PCDH11X: variants seen among roughly 807,000 people sequenced by gnomAD.
PCDH11X encodes protocadherin 11 X-linked, also known as protocadherin-11 X-linked.
PCDH11X carries 18 observed loss-of-function variants against 53.3 expected under a neutral mutation model. The observed-to-expected ratio is 0.34, with a 90% CI of 0.23 to 0.50. The LOEUF (loss-of-function observed/expected upper bound fraction) is 0.50. Ranked by LOEUF, PCDH11X falls within the 20% of genes least tolerant of loss-of-function variation. PCDH11X has a pLI of 0.98. For synonymous variants in PCDH11X, 279 were observed against 393.3 expected, an observed-to-expected ratio of 0.71 and a Z score of 3.44; for missense variants, 570 against 1,032.4, an observed-to-expected ratio of 0.55 and a Z score of 6.14.
At chrX:92,285,246 A>ATTTTT (rs36047305) in intron 8 of PCDH11X, among the ~76,000 whole-genome samples, 2 of 40,772 alleles carry the variant, frequency 4.9e-5, no homozygotes, top group East Asian at 7.1e-4. Flanking sequence ...AGACTGTAGA[A>ATTTTT]TTTTTTTTTT....
intron 6 of PCDH11X, among the ~76,000 whole-genome samples, chrX:92,060,633 T>C (rs1335840475): frequency 9.2e-5 from 10 of 109,114 alleles, no homozygotes; most frequent in Non-Finnish European, 1.5e-4. Flanking sequence ...TCCAGCTCCA[T>C]TTATGTTGCT....
rs986746849 is a variant in PCDH11X, at chrX:92,175,979, A to G, written c.3034-25396A>G. 2.7e-5 allele frequency among the ~76,000 whole-genome samples: 3 copies of G among 110,684 alleles called. No homozygotes were observed. The South Asian group carries it at 1.2e-3, about 43-fold the overall frequency. The stretch of plus-strand genomic sequence containing the variant: ...AATTTTTCCATTTAATGGTCAGAGT[A>G]ACTGTCTTAAAACCACAGAAGAAGT... On this transcript the variant is annotated intron_variant, in intron 6 of 10. Transcript: ENST00000682573.
chrX:92,012,053 G>T (rs978303669), intron 6 of PCDH11X, among the ~76,000 whole-genome samples: 1 of 110,769 alleles, frequency 9.0e-6, no homozygotes, highest in Non-Finnish European at 1.9e-5. Flanking sequence ...GACATATGGG[G>T]CCATTACAGC....
chrX:91,802,192 A>C (rs1238527621), intron 1 of PCDH11X, among the ~76,000 whole-genome samples: 2 of 113,128 alleles, frequency 1.8e-5, no homozygotes, highest in Non-Finnish European at 3.7e-5. Context: ...AAATCTTTCA[A>C]ATTAAATTTG....
intron 10 of PCDH11X, among the ~76,000 whole-genome samples, chrX:92,604,052 A>G (rs964234109): frequency 7.4e-5 from 8 of 108,057 alleles, no homozygotes; most frequent in African/African-American, 2.7e-4. Flanking sequence ...ATTCATATAC[A>G]ATAATAATAC....
At chrX:92,318,903 C>T (rs998649251) in intron 8 of PCDH11X, among the ~76,000 whole-genome samples, 1 of 111,710 alleles carries the variant, frequency 9.0e-6, no homozygotes, top group African/African-American at 3.3e-5. Context: ...TTAGCGATTT[C>T]ACCAGCATTA....
chrX:92,093,741 A>T (rs992659517), intron 6 of PCDH11X, among the ~76,000 whole-genome samples: 3 of 111,277 alleles, frequency 2.7e-5, no homozygotes, highest in African/African-American at 9.8e-5. Flanking sequence ...TTTGCCACCA[A>T]GAATGATAAA....
intron 10 of PCDH11X, among the ~76,000 whole-genome samples, chrX:92,584,494 G>T (rs1178972199): frequency 1.8e-5 from 2 of 111,223 alleles, no homozygotes; most frequent in Non-Finnish European, 3.8e-5. Context: ...TTTTCCCAAA[G>T]AAATTAAACA....
At chrX:91,791,144 G>A (rs1224055319) in intron 1 of PCDH11X, among the ~76,000 whole-genome samples, 1 of 109,182 alleles carries the variant, frequency 9.2e-6, no homozygotes, top group African/African-American at 3.3e-5. Context: ...AATTGCCTTG[G>A]ATTTCATTAC....
chrX:92,471,654 A>G (rs2073265190), intron 10 of PCDH11X, among the ~76,000 whole-genome samples: 1 of 109,178 alleles, frequency 9.2e-6, no homozygotes, highest in Non-Finnish European at 1.9e-5. Context: ...GTCAAATGTT[A>G]TTTCTGTCTT....
At chrX:92,059,673 A>C (rs1569332962) in intron 6 of PCDH11X, among the ~76,000 whole-genome samples, 1 of 111,114 alleles carries the variant, frequency 9.0e-6, no homozygotes, top group Non-Finnish European at 1.9e-5. Context: ...CACATTTGGA[A>C]AATAATGTAG....
intron 8 of PCDH11X, among the ~76,000 whole-genome samples, chrX:92,278,429 C>T (rs185000717): frequency 9.9e-5 from 11 of 111,505 alleles, no homozygotes; most frequent in Non-Finnish European, 1.7e-4. Flanking sequence ...GTTTATTTCA[C>T]GTGGGTGCAG....
chrX:91,818,925 A>G (rs1007225489), intron 4 of PCDH11X, among the ~76,000 whole-genome samples: 4 of 111,843 alleles, frequency 3.6e-5, no homozygotes, highest in African/African-American at 1.3e-4. Context: ...TATTTTAAAC[A>G]TACAAATAAA....
chrX:92,275,216 A>G lies in PCDH11X; in HGVS notation c.3144+12073A>G, dbSNP rs192277072. Among the ~76,000 whole-genome samples, 1,013 of 101,756 alleles carry G rather than the reference A, an allele frequency of 1.0e-2. 14 individuals are homozygous for G. The highest frequency in any genetic ancestry group is 0.034 in the African/African-American group (965 of 28,525). 88.4% of individuals were successfully genotyped at this position (101,756 alleles called of 115,157 possible). ...CAAGTTATTTGGACAGAAAGGCTAC[A>G]GGGTGTGGTCCTGGCTCTTGTGTAA... On this transcript the variant is annotated intron_variant, in intron 8 of 10. Transcript: ENST00000682573.
At chrX:92,270,242 T>C (rs759243285) in intron 8 of PCDH11X, among the ~76,000 whole-genome samples, 1 of 109,539 alleles carries the variant, frequency 9.1e-6, no homozygotes, top group Non-Finnish European at 1.9e-5. Flanking sequence ...CTGTTCCAAG[T>C]AGCTGGGATT....
intron 9 of PCDH11X, among the ~76,000 whole-genome samples, chrX:92,433,893 T>C (rs1206332810): frequency 9.0e-6 from 1 of 110,640 alleles, no homozygotes; most frequent in Non-Finnish European, 1.9e-5. Flanking sequence ...GCATTAGTGA[T>C]GTGACTTGTG....
chrX:92,225,792 G>A (rs1477405448), intron 7 of PCDH11X, among the ~76,000 whole-genome samples: 1 of 111,784 alleles, frequency 8.9e-6, no homozygotes, highest in African/African-American at 3.2e-5. Flanking sequence ...AGATCTCCTG[G>A]TTTATGTGAG....
intron 8 of PCDH11X, among the ~76,000 whole-genome samples, chrX:92,310,652 G>A (rs1271001298): frequency 9.1e-6 from 1 of 110,242 alleles, no homozygotes; most frequent in African/African-American, 3.3e-5. Flanking sequence ...ACCTCCCAAA[G>A]TGCTGGGATT....
At position 92,246,456 on chromosome X, in the gene PCDH11X, G is replaced by A. The variant is rs193264785; in HGVS notation, c.3115-16658G>A. 4.3e-4 allele frequency among the ~76,000 whole-genome samples: 48 copies of A among 111,045 alleles called. 1 individual carries two copies. In the East Asian group the frequency reaches 9.9e-3, roughly 23 times the overall value. ...CCACCTCCACCTCCCGGGTTCAAAC[G>A]ATTCTCCTGCCTCAGTATCCCGAGT... On this transcript the variant is annotated intron_variant, in intron 7 of 10. Coordinates refer to ENST00000682573, the MANE Select transcript of PCDH11X (RefSeq NM_032968.5).
Sources: gnomAD v4.1 joint callset for allele counts (sites outside exome capture counted in the v4.1 genomes callset) on GRCh38, gnomAD v4.1.1 for gene constraint, MANE v1.5 for transcripts, NCBI Gene and HGNC (gene_info 2026-07-23, HGNC 2026-07-21) for gene names.